The following CCDC57 variants were observed in gnomAD, a reference collection of about 807,000 sequenced individuals.
CCDC57 encodes the protein coiled-coil domain-containing protein 57.
A neutral mutation model predicts 118.9 loss-of-function variants in CCDC57; 118 were observed. The observed-to-expected ratio is 0.99, with a 90% CI of 0.86 to 1.16. CCDC57 has a LOEUF of 1.16. Ranked by LOEUF, CCDC57 falls within the 50% of genes most tolerant of loss-of-function variation. The probability of loss-of-function intolerance (pLI) is 0.00; values close to 1 mark genes in which losing one functional copy is unlikely to be tolerated. For missense variants in CCDC57, 1,300 were observed against 1,320.7 expected (o/e 0.98, Z 0.24); for synonymous variants, 527 against 532.9 (o/e 0.99, Z 0.15).
chr17:82,112,668 G>C (rs893062923), intron 19 of CCDC57: 1 of 152,366 alleles, frequency 6.6e-6, no homozygotes, highest in Non-Finnish European at 1.5e-5. Flanking sequence ...GCTCCGTAAG[G>C]GTGCTCAGCT....
rs1452021098 is a variant in CCDC57, at chr17:82,151,213, T to A, written c.2455+347A>T. On this transcript the variant is annotated intron_variant, in intron 16 of 19. Coordinates refer to ENST00000665763, the Ensembl canonical transcript of CCDC57. ...CAGAACCAGGCGCACATCCAGAACCTGACCCACACCCAGAACCTGGCACAC... is the reference window on the plus strand; with the variant it reads ...CAGAACCAGGCGCACATCCAGAACCAGACCCACACCCAGAACCTGGCACAC... Among the ~76,000 whole-genome samples the A allele has an allele frequency of 1.6e-3, 174 of 106,620 alleles. 1 individual carries two copies. Among genetic ancestry groups the A allele is most frequent in the Middle Eastern group, 8.3e-3 (1 of 120 alleles). 69.9% of individuals were successfully genotyped at this position (106,620 alleles called of 152,430 possible). A position where few individuals can be genotyped will look rare whatever the true frequency, so the allele number is the denominator to read the frequency against.
chr17:82,205,945 G>C (rs2049575690), intron 2 of CCDC57, among the ~76,000 whole-genome samples: 1 of 152,208 alleles, frequency 6.6e-6, no homozygotes, highest in Admixed American at 6.5e-5. Flanking sequence ...ATCCCATCTC[G>C]GGATGATCCC....
At chr17:82,165,916 C>T (rs577812828) in intron 13 of CCDC57, among the ~76,000 whole-genome samples, 60 of 152,244 alleles carry the variant, frequency 3.9e-4, no homozygotes, top group African/African-American at 1.4e-3. Context: ...GAAAGGCTGA[C>T]TACCTGACAA....
Position 82,179,013 on chromosome 17 carries a change from G to A in CCDC57, c.1374+14C>T, listed in dbSNP as rs1197855169. On this transcript the variant is annotated intron_variant, in intron 10 of 19. Coordinates refer to ENST00000665763, the Ensembl canonical transcript of CCDC57. Reference sequence around the variant, plus strand: ...GACGCCGAGAAGGCCCCAGGCCCTGGTGGCCGCACACACCTGACTTTTTGC... The same window carrying A: ...GACGCCGAGAAGGCCCCAGGCCCTGATGGCCGCACACACCTGACTTTTTGC... The A allele has an allele frequency of 6.2e-7, 1 of 1,611,508 alleles. No individual in the cohort carries two copies. Among genetic ancestry groups the A allele is most frequent in the Non-Finnish European group, 8.5e-7 (1 of 1,178,652 alleles).
rs1403370970 is a variant in CCDC57, at chr17:82,166,095, T to C, written c.1883-2738A>G. 6.6e-5 allele frequency among the ~76,000 whole-genome samples: 10 copies of C among 150,612 alleles called. No individual in the cohort carries two copies. In the Admixed American group the frequency reaches 6.7e-4, roughly 10 times the overall value. ...AGCCAAGGAGTTTTGAGAACAGCCT[T>C]GGCAATATAGTGAGACTCCATCTCT... On this transcript the variant is annotated intron_variant, in intron 13 of 19. Transcript: ENST00000665763.
chr17:82,158,034 A>G, intron 14 of CCDC57, 86 bp from the exon 14 acceptor site: 1 of 1,472,200 alleles, frequency 6.8e-7, no homozygotes, highest in South Asian at 1.4e-5. Flanking sequence ...AAGCGCTGTG[A>G]GTGCCGGGAA....
At chr17:82,210,753 G>A (rs1274778236) in intron 1 of CCDC57, among the ~76,000 whole-genome samples, 2 of 151,054 alleles carry the variant, frequency 1.3e-5, no homozygotes, top group African/African-American at 4.9e-5. Flanking sequence ...CTAGCACTTT[G>A]GGAGGCCAAG....
chr17:82,116,812 T>C (rs145229258), intron 19 of CCDC57, among the ~76,000 whole-genome samples: 2,262 of 152,326 alleles, frequency 0.015, 24 homozygotes, highest in Non-Finnish European at 0.024. Flanking sequence ...ATTCCCATTA[T>C]GTGTATCTGT....
At chr17:82,197,655 C>T (rs751216040) in intron 4 of CCDC57, among the ~76,000 whole-genome samples, 11 of 152,128 alleles carry the variant, frequency 7.2e-5, no homozygotes, top group African/African-American at 1.9e-4. Flanking sequence ...ACGGGCTGCC[C>T]GGATAGCTGG....
chr17:82,102,885 CAA>C (rs11314063), intron 19 of CCDC57, among the ~76,000 whole-genome samples: 1,424 of 130,826 alleles, frequency 0.011, 21 homozygotes, highest in African/African-American at 0.037. Context: ...AACTCTATCT[CAA>C]AAAAAAAAAA....
rs547352109 is a variant in CCDC57 at position 82,172,913 on chromosome 17, G to C, written c.1507-53C>G. 2.0e-6 allele frequency: 3 copies of C among 1,510,586 alleles called. No homozygotes were observed. The highest frequency in any genetic ancestry group is 2.3e-5 in the East Asian group (1 of 42,644). 93.6% of individuals were successfully genotyped at this position (1,510,586 alleles called of 1,614,324 possible). A position where few individuals can be genotyped will look rare whatever the true frequency, so the allele number is the denominator to read the frequency against. ...AAAAAGATGAATGGTTCCCCAGCTT[G>C]TCCTGACAGGCTGTGCCTCCGCTCT... On this transcript the variant is annotated intron_variant, in intron 11 of 19. Coordinates refer to ENST00000665763, the Ensembl canonical transcript of CCDC57. This position sits in a 1 kb window ranked among gnomAD's most constrained non-coding sequence, Gnocchi z 5.2.
At chr17:82,127,899 T>G in exon 19 of CCDC57, 1 of 1,612,088 alleles carries the variant, frequency 6.2e-7, no homozygotes, top group Non-Finnish European at 8.5e-7. Context: ...GTGTGGATGC[T>G]GTGTTGTGTC....
intron 16 of CCDC57, among the ~76,000 whole-genome samples, chr17:82,142,944 C>T (rs923787597): frequency 1.3e-5 from 2 of 152,060 alleles, no homozygotes; most frequent in Non-Finnish European, 2.9e-5. Context: ...GTGGGTGGAT[C>T]ACCTGAGGTC....
At chr17:82,180,537 G>A (rs767550718) in intron 9 of CCDC57, among the ~76,000 whole-genome samples, 7 of 152,156 alleles carry the variant, frequency 4.6e-5, no homozygotes, top group Non-Finnish European at 7.4e-5. Context: ...GTGCAGTGGC[G>A]TGATGTTGGC....
intron 15 of CCDC57, chr17:82,153,900 T>C (rs1213116035): frequency 6.6e-6 from 1 of 152,328 alleles, no homozygotes; most frequent in Non-Finnish European, 1.5e-5. Context: ...CCTGAGGACA[T>C]GTATGAGTGA....
rs186005562 is a variant in CCDC57 at position 82,110,931 on chromosome 17, A to G, written c.2900-9065T>C. Among the ~76,000 whole-genome samples, 1,513 of 151,410 alleles carry G rather than the reference A, an allele frequency of 1.0e-2. 34 individuals are homozygous for G. The highest frequency in any genetic ancestry group is 0.035 in the African/African-American group (1,454 of 41,278). On this transcript the variant is annotated intron_variant, in intron 19 of 19. Coordinates refer to ENST00000665763, the Ensembl canonical transcript of CCDC57. Reference sequence around the variant, plus strand: ...TCCCAGCTACTCGGGAGGCTGAGGCAGGAGAATCGCTTGAACCCTGGAGGT... The same window carrying G: ...TCCCAGCTACTCGGGAGGCTGAGGCGGGAGAATCGCTTGAACCCTGGAGGT...
intron 11 of CCDC57, chr17:82,175,495 G>GT (rs1450731242): frequency 2.6e-5 from 4 of 152,232 alleles, no homozygotes; most frequent in Admixed American, 2.0e-4. Context: ...AGATGAATGC[G>GT]TATCTCACTG....
At chr17:82,108,418 A>G (rs553811349) in intron 19 of CCDC57, among the ~76,000 whole-genome samples, 2 of 152,298 alleles carry the variant, frequency 1.3e-5, no homozygotes, top group South Asian at 4.1e-4. Context: ...TAAAATCTGC[A>G]TATTTATAGC....
rs2044850246 is a variant in CCDC57 at position 82,172,318 on chromosome 17, C to G, written c.1729+320G>C. Among the ~76,000 whole-genome samples, 2 of 152,212 alleles carry G rather than the reference C, an allele frequency of 1.3e-5. No individual in the cohort carries two copies. The highest frequency in any genetic ancestry group is 4.8e-5 in the African/African-American group (2 of 41,460). On this transcript the variant is annotated intron_variant, in intron 12 of 19. Transcript: ENST00000665763. This position sits in a 1 kb window ranked among gnomAD's most constrained non-coding sequence, Gnocchi z 5.2. The stretch of plus-strand genomic sequence containing the variant: ...AAGGACTGAGGTCCACCAGCCCCTG[C>G]TACCAACCCATTCTGGGACAGCGCG...
Sources: allele counts gnomAD v4.1 joint callset (sites outside exome capture counted in the v4.1 genomes callset), GRCh38; gene constraint gnomAD v4.1.1; non-coding constraint Gnocchi (gnomAD v3.1); transcripts MANE v1.5; gene names NCBI Gene and HGNC (gene_info 2026-07-23, HGNC 2026-07-21).